RGS9: variants seen among roughly 807,000 people sequenced by gnomAD.
The protein encoded by RGS9 is regulator of G-protein signalling 9.
A neutral mutation model predicts 102.0 loss-of-function variants in RGS9; 78 were observed. The observed-to-expected ratio is 0.76, with a 90% CI of 0.64 to 0.92. RGS9 has a LOEUF of 0.92. Ranked by LOEUF, RGS9 falls within the 40% of genes least tolerant of loss-of-function variation. RGS9 has a pLI of 0.00. For synonymous variants in RGS9, 353 were observed against 318.6 expected (o/e 1.11, Z -1.15); for missense variants, 833 against 866.1 (o/e 0.96, Z 0.48).
intron 6 of RGS9, among the ~76,000 whole-genome samples, chr17:65,161,706 A>ATT (rs1910990535): frequency 2.2e-5 from 3 of 135,552 alleles, no homozygotes; most frequent in Admixed American, 2.1e-4. Flanking sequence ...ATTTTTATTT[A>ATT]TATATTTATT....
At chr17:65,160,151 A>T in intron 3 of RGS9, 82 bp from the exon 4 acceptor site, 1 of 1,032,676 alleles carries the variant, frequency 9.7e-7, no homozygotes, top group Admixed American at 1.7e-5. Context: ...CCTGTCCTGG[A>T]GTTTGGGGTG....
chr17:65,204,499 C>T (rs531338589), intron 15 of RGS9, among the ~76,000 whole-genome samples, 198 bp downstream of exon 15: 1 of 151,884 alleles, frequency 6.6e-6, no homozygotes, highest in Non-Finnish European at 1.5e-5. Context: ...TATCTTGAGC[C>T]CAGAAGTTTG....
At chr17:65,204,435 G>T in intron 15 of RGS9, 134 bp downstream of exon 15, 1 of 1,057,682 alleles carries the variant, frequency 9.5e-7, no homozygotes. Flanking sequence ...ATGCAGCTAA[G>T]CATGGGGGCT....
intron 7 of RGS9, among the ~76,000 whole-genome samples, chr17:65,164,250 A>G (rs1911091233): frequency 6.6e-6 from 1 of 152,136 alleles, no homozygotes; most frequent in Non-Finnish European, 1.5e-5. Context: ...CAGGACCCAT[A>G]TGCAGAAGAA....
intron 17 of RGS9, among the ~76,000 whole-genome samples, chr17:65,211,707 G>A (rs953226926): frequency 3.3e-5 from 5 of 152,198 alleles, no homozygotes; most frequent in African/African-American, 1.2e-4. Context: ...GTGAGCAAGA[G>A]ACCAGCCTGA....
At chr17:65,186,209 T>C (rs951791193) in intron 9 of RGS9, among the ~76,000 whole-genome samples, 13 of 143,148 alleles carry the variant, frequency 9.1e-5, no homozygotes, top group Non-Finnish European at 1.4e-4. Context: ...TTTATTTATT[T>C]ATTCTGAGAT....
intron 2 of RGS9, among the ~76,000 whole-genome samples, chr17:65,154,037 T>A (rs1910681392): frequency 1.3e-5 from 2 of 152,196 alleles, no homozygotes; most frequent in African/African-American, 4.8e-5. Context: ...CCAGGCACAG[T>A]GGCTTACACC....
At chr17:65,194,372 G>A (rs1008558812) in intron 12 of RGS9, among the ~76,000 whole-genome samples, 8 of 152,116 alleles carry the variant, frequency 5.3e-5, no homozygotes, top group African/African-American at 1.9e-4. Flanking sequence ...TCGTGGGCAG[G>A]TTTTTGTGTG....
intron 3 of RGS9, chr17:65,158,752 G>A (rs113718179): frequency 1.5e-5 from 5 of 337,880 alleles, no homozygotes; most frequent in East Asian, 1.4e-4. Context: ...GGGAGATTGA[G>A]AGTCATGGCT....
intron 10 of RGS9, 135 bp downstream of exon 10, chr17:65,189,450 C>A: frequency 1.3e-6 from 1 of 750,698 alleles, no homozygotes; most frequent in South Asian, 1.5e-5. Flanking sequence ...TCCAAATTCA[C>A]GGACAGCACA....
At chr17:65,163,203 C>G in intron 7 of RGS9, 114 bp downstream of exon 7, 1 of 471,550 alleles carries the variant, frequency 2.1e-6, no homozygotes, top group Non-Finnish European at 3.6e-6. Flanking sequence ...GAGACAGAGT[C>G]TTGCTCTGTC....
intron 12 of RGS9, among the ~76,000 whole-genome samples, chr17:65,194,437 A>G (rs1416634497): frequency 6.6e-6 from 1 of 152,212 alleles, no homozygotes; most frequent in Non-Finnish European, 1.5e-5. Flanking sequence ...GCTGAGTCAA[A>G]TGGTGACTCT....
At chr17:65,210,742 A>G in intron 17 of RGS9, 137 bp downstream of exon 17, 1 of 1,459,070 alleles carries the variant, frequency 6.9e-7, no homozygotes, top group Non-Finnish European at 9.2e-7. Flanking sequence ...AGAAGGTTCC[A>G]TTCCCCATTT....
chr17:65,219,300 G>A (rs938391977), intron 17 of RGS9, among the ~76,000 whole-genome samples: 2 of 152,236 alleles, frequency 1.3e-5, no homozygotes, highest in African/African-American at 4.8e-5. Flanking sequence ...ATGTTTGGTA[G>A]TGAAGGGACT....
intron 9 of RGS9, chr17:65,179,917 G>A (rs1187915091): frequency 6.6e-6 from 1 of 152,234 alleles, no homozygotes; most frequent in Non-Finnish European, 1.5e-5. Context: ...GGGTGCCTTT[G>A]CCATGGTGGG....
chr17:65,161,868 C>A (rs1160140278), intron 6 of RGS9, among the ~76,000 whole-genome samples: 2 of 151,488 alleles, frequency 1.3e-5, no homozygotes, highest in African/African-American at 4.8e-5. Context: ...ACCACCATAC[C>A]CAGCTAATTT....
Position 65,204,316 on chromosome 17 carries a change from G to C in RGS9, c.1203+15G>C. ...TCATGAAGAAGGTAGGTGGGTCCGT[G>C]CTGTGGATACGGGGTCCAGATAGGC... On this transcript the variant is annotated intron_variant, in intron 15 of 18. Coordinates refer to ENST00000262406, the MANE Select transcript of RGS9 (RefSeq NM_003835.4). 6.2e-7 allele frequency: 1 copy of C among 1,613,604 alleles called. No homozygotes were observed. Among genetic ancestry groups the C allele is most frequent in the South Asian group, 1.1e-5 (1 of 91,064 alleles).
At chr17:65,193,270 AG>A (rs370619528) in intron 11 of RGS9, among the ~76,000 whole-genome samples, 21 of 148,502 alleles carry the variant, frequency 1.4e-4, no homozygotes, top group African/African-American at 4.9e-4. Flanking sequence ...AAAAAAAAAA[AG>A]AAAAAAAAGA....
intron 1 of RGS9, among the ~76,000 whole-genome samples, chr17:65,137,934 T>G (rs902971947): frequency 6.6e-6 from 1 of 152,220 alleles, no homozygotes; most frequent in Non-Finnish European, 1.5e-5. Context: ...GATGTGACAT[T>G]GCCATTTTTG....
Sources: allele counts gnomAD v4.1 joint callset (sites outside exome capture counted in the v4.1 genomes callset), GRCh38; gene constraint gnomAD v4.1.1; transcripts MANE v1.5; gene names NCBI Gene and HGNC (gene_info 2026-07-23, HGNC 2026-07-21).